Variants in RPTOR observed in about 807,000 individuals in gnomAD.
RPTOR encodes the protein regulatory-associated protein of mTOR.
In RPTOR, 21 loss-of-function variants were observed where a neutral mutation model predicts 169.9. The observed-to-expected ratio is 0.12, with a 90% CI of 0.09 to 0.18. RPTOR has a LOEUF of 0.18. Among genes scored for constraint, RPTOR ranks in the 10% least tolerant of loss-of-function variants. RPTOR has a pLI of 1.00. For synonymous variants in RPTOR, 732 were observed against 753.2 expected (o/e 0.97, Z 0.46); for missense variants, 1,133 against 1,855.9 (o/e 0.61, Z 7.16).
At chr17:80,785,477 A>G (rs2066982123) in intron 6 of RPTOR, among the ~76,000 whole-genome samples, 1 of 152,212 alleles carries the variant, frequency 6.6e-6, no homozygotes, top group South Asian at 2.1e-4. Context: ...TTGCTCTTTG[A>G]GAAGGTTCTT....
chr17:80,558,159 G>T (rs556574841), intron 1 of RPTOR, among the ~76,000 whole-genome samples: 300 of 152,178 alleles, frequency 2.0e-3, no homozygotes, highest in Admixed American at 2.7e-3. Flanking sequence ...AAATTAGCCG[G>T]GCATGGTGGC....
At chr17:80,577,782 C>T (rs1003731888) in intron 1 of RPTOR, among the ~76,000 whole-genome samples, 1 of 152,218 alleles carries the variant, frequency 6.6e-6, no homozygotes, top group Non-Finnish European at 1.5e-5. Flanking sequence ...GGGCCTTGGA[C>T]CTGCAGCCTT....
At chr17:80,939,362 T>G (rs1419909714) in intron 24 of RPTOR, among the ~76,000 whole-genome samples, 3 of 152,192 alleles carry the variant, frequency 2.0e-5, no homozygotes, top group Non-Finnish European at 4.4e-5. Flanking sequence ...CACAGACACA[T>G]GCACGCACTC....
At chr17:80,743,338 G>T in intron 5 of RPTOR, 2 of 985,502 alleles carry the variant, frequency 2.0e-6, no homozygotes, top group Non-Finnish European at 2.4e-6. Flanking sequence ...GTTCCGCCGT[G>T]CAGAGAAGAA....
At chr17:80,772,360 C>T (rs1411199826) in intron 6 of RPTOR, among the ~76,000 whole-genome samples, 1 of 152,174 alleles carries the variant, frequency 6.6e-6, no homozygotes. Flanking sequence ...TCACTTGACC[C>T]AAATGGTGCT....
rs1033596051 is a variant in RPTOR at position 80,959,089 on chromosome 17, G to A, written c.3478-989G>A. ...GAGGCCTGGGCACCCTCAGCTGCTC[G>A]AAGCTGCTGTGGTTGCTCTGGGCAG... On this transcript the variant is annotated intron_variant, in intron 29 of 33. Transcript: ENST00000306801. The surrounding 1 kb of genome is among the most constrained non-coding windows in gnomAD (Gnocchi z 6.7). 2.6e-5 allele frequency among the ~76,000 whole-genome samples: 4 copies of A among 152,236 alleles called. No homozygotes were observed. The highest frequency in any genetic ancestry group is 2.1e-4 in the South Asian group (1 of 4,830).
intron 3 of RPTOR, among the ~76,000 whole-genome samples, chr17:80,686,218 G>C (rs2316065): frequency 6.8e-6 from 1 of 146,316 alleles, no homozygotes. Context: ...ACAGAGTCTC[G>C]CTCTGTCGCC....
intron 2 of RPTOR, among the ~76,000 whole-genome samples, chr17:80,642,421 C>T (rs781033994): frequency 1.3e-5 from 2 of 150,002 alleles, no homozygotes; most frequent in East Asian, 2.0e-4. Flanking sequence ...CACACCTGGC[C>T]GAGCCTGGCA....
At chr17:80,583,892 C>T (rs1321356282) in intron 1 of RPTOR, among the ~76,000 whole-genome samples, 1 of 152,214 alleles carries the variant, frequency 6.6e-6, no homozygotes, top group African/African-American at 2.4e-5. Flanking sequence ...GACCTTTGCC[C>T]AGGTGTCCAT....
chr17:80,784,149 C>T (rs67583258), intron 6 of RPTOR, among the ~76,000 whole-genome samples: 38,369 of 151,292 alleles, frequency 0.25, 4,885 homozygotes, highest in South Asian at 0.27. Flanking sequence ...GATGGGGACT[C>T]AACTGTGCTG....
chr17:80,675,018 CGCTGTGAGAA>C (rs1367908840), intron 3 of RPTOR, among the ~76,000 whole-genome samples: 2 of 152,162 alleles, frequency 1.3e-5, no homozygotes, highest in Non-Finnish European at 2.9e-5. Flanking sequence ...GCAGGAGACA[CGCTGTGAGAA>C]GCTGTGAGAG....
intron 1 of RPTOR, among the ~76,000 whole-genome samples, chr17:80,595,742 C>T (rs554738178): frequency 3.2e-4 from 49 of 152,344 alleles, no homozygotes; most frequent in African/African-American, 1.1e-3. Flanking sequence ...TGGGCATGAG[C>T]CATCGTGCCC....
At chr17:80,856,416 C>T (rs569150874) in intron 12 of RPTOR, among the ~76,000 whole-genome samples, 33 of 152,240 alleles carry the variant, frequency 2.2e-4, no homozygotes, top group African/African-American at 7.9e-4. Flanking sequence ...GGTGCGGAAC[C>T]GCTGTCACTA....
chr17:80,755,069 G>A (rs1292692072), intron 6 of RPTOR, among the ~76,000 whole-genome samples: 3 of 152,158 alleles, frequency 2.0e-5, no homozygotes, highest in Non-Finnish European at 4.4e-5. Flanking sequence ...ACCCTGGGAG[G>A]GGCCAGAGGG....
intron 6 of RPTOR, chr17:80,773,878 A>G: frequency 1.0e-6 from 1 of 985,120 alleles, no homozygotes; most frequent in Non-Finnish European, 1.2e-6. Context: ...GCTCCCTCAG[A>G]CGTCGACCGC....
rs887216306 is a variant in RPTOR, at chr17:80,820,399, T to A, written c.891-1802T>A. 4.6e-5 allele frequency among the ~76,000 whole-genome samples: 7 copies of A among 152,166 alleles called. No homozygotes were observed. The highest frequency in any genetic ancestry group is 1.3e-4 in the Admixed American group (2 of 15,280). ...ACCCCACGATGCCCCCCGTGCCCCT[T>A]CTCCGTGCTGTTTCCTAGGGCTGTG... On this transcript the variant is annotated intron_variant, in intron 7 of 33. Coordinates refer to ENST00000306801, the MANE Select transcript of RPTOR (RefSeq NM_020761.3). The surrounding 1 kb of genome is among the most constrained non-coding windows in gnomAD (Gnocchi z 4.1).
At chr17:80,826,835 C>G (rs1222196611) in intron 9 of RPTOR, among the ~76,000 whole-genome samples, 1 of 152,282 alleles carries the variant, frequency 6.6e-6, no homozygotes, top group Non-Finnish European at 1.5e-5. Context: ...AGAACTCGCC[C>G]TGCTGTTGCC....
rs1178846451 is a variant in RPTOR, at chr17:80,825,285, C to CT, written c.1136+2063dup. 2.6e-5 allele frequency among the ~76,000 whole-genome samples: 4 copies of CT among 151,942 alleles called. No individual in the cohort carries two copies. In the South Asian group the frequency reaches 8.3e-4, roughly 32 times the overall value. On this transcript the variant is annotated intron_variant, in intron 9 of 33. Transcript: ENST00000306801. ...AGCGTGGGGCAGCCACATCCCACCT[C>CT]TCCCTCCAGAGGCCGCGTGGCGAGT...
At chr17:80,945,854 C>T (rs2069096941) in intron 26 of RPTOR, 73 bp downstream of exon 26, 12 of 823,826 alleles carry the variant, frequency 1.5e-5, no homozygotes, top group Non-Finnish European at 2.2e-5. Flanking sequence ...CTCCCCCGAT[C>T]ACCACTCCTC....
Sources: gnomAD v4.1 joint callset for allele counts (sites outside exome capture counted in the v4.1 genomes callset) on GRCh38, gnomAD v4.1.1 for gene constraint, Gnocchi (gnomAD v3.1) non-coding constraint, MANE v1.5 for transcripts, NCBI Gene and HGNC (gene_info 2026-07-23, HGNC 2026-07-21) for gene names.